PKHD1: variants seen among roughly 807,000 people sequenced by gnomAD.
The protein encoded by PKHD1 is PKHD1 ciliary IPT domain containing fibrocystin/polyductin.
PKHD1 carries 291 observed loss-of-function variants against 412.0 expected under a neutral mutation model. The ratio of observed to expected loss-of-function variants is 0.71; its 90% CI spans 0.64 to 0.78. The LOEUF (loss-of-function observed/expected upper bound fraction) is 0.78. Among genes scored for constraint, PKHD1 ranks in the 30% least tolerant of loss-of-function variants. The probability of loss-of-function intolerance (pLI) is 0.00; values close to 1 mark genes in which losing one functional copy is unlikely to be tolerated. For missense variants in PKHD1, 4,825 were observed against 4,950.7 expected (o/e 0.97, Z 0.76); for synonymous variants, 1,777 against 1,821.5 (o/e 0.98, Z 0.62).
rs558373069 is a variant in PKHD1, at chr6:51,901,516, G to GT, written c.6996+2080dup. 4.6e-3 allele frequency among the ~76,000 whole-genome samples: 706 copies of GT among 151,916 alleles called. 8 individuals are homozygous for GT. The highest frequency in any genetic ancestry group is 5.5e-3 in the Non-Finnish European group (374 of 67,968). On this transcript the variant is annotated intron_variant, in intron 43 of 66. Coordinates refer to ENST00000371117, the MANE Select transcript of PKHD1 (RefSeq NM_138694.4). ...AGGGGAACATCACACTCTGGGGACTGTTGTGGGGTGGGGGGAGTGGGGAGG... is the reference window on the plus strand; with the variant it reads ...AGGGGAACATCACACTCTGGGGACTGTTTGTGGGGTGGGGGGAGTGGGGAGG...
intron 52 of PKHD1, among the ~76,000 whole-genome samples, chr6:51,793,411 A>C (rs1268055419): frequency 6.6e-6 from 1 of 152,196 alleles, no homozygotes; most frequent in Non-Finnish European, 1.5e-5. Context: ...GTTTGTTAAC[A>C]CAGGTAAACT....
intron 18 of PKHD1, 112 bp downstream of exon 18, chr6:52,056,586 T>G (rs775305485): frequency 1.1e-6 from 1 of 874,460 alleles, no homozygotes; most frequent in Non-Finnish European, 1.9e-6. Flanking sequence ...GGTTTCATAT[T>G]TTTTTTTTAC....
chr6:52,049,902 A>G (rs772785426), intron 22 of PKHD1, among the ~76,000 whole-genome samples: 7 of 152,228 alleles, frequency 4.6e-5, no homozygotes, highest in Non-Finnish European at 7.3e-5. Flanking sequence ...CAGCAGAATC[A>G]GCATCACCAA....
Position 51,659,286 on chromosome 6 carries a change from T to G in PKHD1, c.10840A>C (p.Ser3614Arg). 1.9e-6 allele frequency: 3 copies of G among 1,613,886 alleles called. No homozygotes were observed. The highest frequency in any genetic ancestry group is 2.5e-6 in the Non-Finnish European group (3 of 1,179,888). Residue 3614 changes from serine (S) to arginine (R), a missense_variant, in exon 61 of 67, where the codon AGT becomes CGT. Coordinates refer to ENST00000371117, the MANE Select transcript of PKHD1 (RefSeq NM_138694.4). ...HEETLKAIAD[S>R]RAKRKRNCPT... ...CAATTGCGCTTTCTTTTTGCTCTAC[T>G]GTCAGCAATGGCCTTTAAGGTCTCT...
intron 60 of PKHD1, among the ~76,000 whole-genome samples, chr6:51,700,141 C>G (rs892536462): frequency 1.3e-5 from 2 of 151,806 alleles, no homozygotes; most frequent in Non-Finnish European, 2.9e-5. Flanking sequence ...ATGAAATTAC[C>G]AAGTGTTCCT....
intron 37 of PKHD1, among the ~76,000 whole-genome samples, chr6:51,927,951 A>T: frequency 6.6e-6 from 1 of 151,890 alleles, no homozygotes; most frequent in Admixed American, 6.6e-5. Flanking sequence ...CTCCTACAAG[A>T]CTCCAGTGAT....
At chr6:52,026,977 G>A (rs1367948329) in intron 31 of PKHD1, among the ~76,000 whole-genome samples, 4 of 152,132 alleles carry the variant, frequency 2.6e-5, no homozygotes, top group South Asian at 2.1e-4. Context: ...CCACTAGATT[G>A]TTTTCCATTC....
At chr6:51,629,122 C>A (rs1277046220) in intron 65 of PKHD1, among the ~76,000 whole-genome samples, 7 of 151,968 alleles carry the variant, frequency 4.6e-5, no homozygotes, top group East Asian at 1.9e-4. Context: ...TAGAAAAAAA[C>A]CTAAGAAATA....
chr6:51,648,662 GT>G (rs1770454541), intron 62 of PKHD1, among the ~76,000 whole-genome samples: 1 of 152,178 alleles, frequency 6.6e-6, no homozygotes, highest in Non-Finnish European at 1.5e-5. Flanking sequence ...GAAACTTCTT[GT>G]TTTACTTAAT....
rs1805774600 is a variant in PKHD1, at chr6:52,046,118, G to A, written c.2478C>T (p.Ser826=). 1.2e-6 allele frequency: 2 copies of A among 1,613,074 alleles called. No homozygotes were observed. Among genetic ancestry groups the A allele is most frequent in the African/African-American group, 2.7e-5 (2 of 74,910 alleles). Residue 826 remains serine, a synonymous_variant, in exon 24 of 67, where the codon TCC becomes TCT. Coordinates refer to ENST00000371117, the MANE Select transcript of PKHD1 (RefSeq NM_138694.4). The part of the protein sequence containing the change: ...LLQNNADDFT[S]RYLNASDFTV... ...TGAAGTCACTGGCATTGAGGTACCT[G>A]GATGTGAAGTCATCGGCATTATTCT...
At chr6:51,836,092 G>T (rs1207482585) in intron 51 of PKHD1, among the ~76,000 whole-genome samples, 1 of 152,136 alleles carries the variant, frequency 6.6e-6, no homozygotes, top group Non-Finnish European at 1.5e-5. Flanking sequence ...TCCATTTGGA[G>T]GGGGCCTAAT....
chr6:51,658,038 A>G (rs1231857687), intron 61 of PKHD1, among the ~76,000 whole-genome samples: 1 of 152,136 alleles, frequency 6.6e-6, no homozygotes, highest in Non-Finnish European at 1.5e-5. Context: ...AGATATTTCA[A>G]TGTAAGCTAA....
At chr6:51,672,877 TTC>T (rs2150513270) in intron 60 of PKHD1, among the ~76,000 whole-genome samples, 1 of 152,354 alleles carries the variant, frequency 6.6e-6, no homozygotes, top group African/African-American at 2.4e-5. Flanking sequence ...GGTACTTAAG[TTC>T]ATGATTTTGA....
intron 36 of PKHD1, among the ~76,000 whole-genome samples, chr6:51,954,814 T>C (rs950441694): frequency 6.6e-6 from 1 of 152,066 alleles, no homozygotes; most frequent in African/African-American, 2.4e-5. Context: ...TCTCCCCTAA[T>C]TGACCCTTTC....
At chr6:51,677,538 C>T (rs763598241) in intron 60 of PKHD1, among the ~76,000 whole-genome samples, 2 of 152,138 alleles carry the variant, frequency 1.3e-5, no homozygotes, top group African/African-American at 4.8e-5. Flanking sequence ...TGAGCAATCT[C>T]GCCAAAGTTT....
rs74879010 is a variant in PKHD1, at chr6:51,676,792, G to A, written c.10157-16823C>T. On this transcript the variant is annotated intron_variant, in intron 60 of 66. Coordinates refer to ENST00000371117, the MANE Select transcript of PKHD1 (RefSeq NM_138694.4). The stretch of plus-strand genomic sequence containing the variant: ...TGTGATCTTCCAAAGAATTATTAAA[G>A]AAAATATGTTTTGGTCATAATAGAA... Among the ~76,000 whole-genome samples the A allele has an allele frequency of 7.5e-3, 1,149 of 152,234 alleles. 13 individuals carry two copies. The highest frequency in any genetic ancestry group is 0.026 in the African/African-American group (1,100 of 41,554).
At chr6:51,786,421 A>G (rs999767965) in intron 53 of PKHD1, among the ~76,000 whole-genome samples, 1 of 152,196 alleles carries the variant, frequency 6.6e-6, no homozygotes, top group African/African-American at 2.4e-5. Context: ...CTACACTTCC[A>G]GCACTAATTT....
intron 36 of PKHD1, among the ~76,000 whole-genome samples, chr6:51,934,794 A>G (rs2127771534): frequency 6.6e-6 from 1 of 152,262 alleles, no homozygotes; most frequent in South Asian, 2.1e-4. Context: ...CATCCATTAT[A>G]CTTTCTTTTG....
intron 36 of PKHD1, among the ~76,000 whole-genome samples, chr6:51,957,838 A>G (rs2127934916): frequency 6.6e-6 from 1 of 152,214 alleles, no homozygotes; most frequent in African/African-American, 2.4e-5. Context: ...CACAACTGAC[A>G]CCAAGATTAC....
Sources: allele counts gnomAD v4.1 joint callset (sites outside exome capture counted in the v4.1 genomes callset), GRCh38; gene constraint gnomAD v4.1.1; transcripts MANE v1.5; gene names NCBI Gene and HGNC (gene_info 2026-07-23, HGNC 2026-07-21).